The following KIAA0825 variants were observed in gnomAD, a reference collection of about 807,000 sequenced individuals.
The protein encoded by KIAA0825 is uncharacterized protein KIAA0825.
In KIAA0825, 119 loss-of-function variants were observed where a neutral mutation model predicts 147.6. The observed-to-expected ratio is 0.81, with a 90% CI of 0.69 to 0.94. KIAA0825 has a LOEUF of 0.94. Among genes scored for constraint, KIAA0825 ranks in the 40% least tolerant of loss-of-function variants. The probability of loss-of-function intolerance (pLI) is 0.00; values close to 1 mark genes in which losing one functional copy is unlikely to be tolerated. For missense variants in KIAA0825, 1,381 were observed against 1,472.7 expected (o/e 0.94, Z 1.02); for synonymous variants, 470 against 518.1 (o/e 0.91, Z 1.26).
At chr5:94,480,879 A>C (rs941357322) in intron 6 of KIAA0825, among the ~76,000 whole-genome samples, 3 of 152,094 alleles carry the variant, frequency 2.0e-5, no homozygotes, top group Non-Finnish European at 2.9e-5. Flanking sequence ...ACAGGGAAGC[A>C]AAAGTTATCA....
chr5:94,561,450 G>C (rs1777538173), intron 2 of KIAA0825, among the ~76,000 whole-genome samples: 1 of 152,186 alleles, frequency 6.6e-6, no homozygotes, highest in Non-Finnish European at 1.5e-5. Flanking sequence ...GCAGAAGTGT[G>C]GGTCATCTGG....
intron 5 of KIAA0825, among the ~76,000 whole-genome samples, chr5:94,517,303 A>G (rs2151194023): frequency 6.6e-6 from 1 of 152,272 alleles, no homozygotes; most frequent in East Asian, 1.9e-4. Flanking sequence ...ATTCTCATAT[A>G]TAAAGTATAA....
At chr5:94,457,481 C>T (rs1369918876) in intron 12 of KIAA0825, among the ~76,000 whole-genome samples, 4 of 152,206 alleles carry the variant, frequency 2.6e-5, no homozygotes, top group Admixed American at 2.6e-4. Flanking sequence ...GAAAAGAGTG[C>T]ATTTGGGAAA....
intron 20 of KIAA0825, among the ~76,000 whole-genome samples, chr5:94,154,919 T>C (rs1766893254): frequency 6.6e-6 from 1 of 152,166 alleles, no homozygotes; most frequent in Admixed American, 6.5e-5. Context: ...CCTTCTCCTA[T>C]CCTCACTCTT....
chr5:94,593,545 G>A, intron 1 of KIAA0825: 2 of 589,696 alleles, frequency 3.4e-6, no homozygotes, highest in Non-Finnish European at 3.2e-6. Context: ...TGTAGCATTG[G>A]GACCCATTGC....
chr5:94,153,444 C>G lies in KIAA0825; in HGVS notation c.*563G>C, dbSNP rs968102593. The G allele has an allele frequency of 1.3e-5, 2 of 151,950 alleles. No homozygotes were observed. The highest frequency in any genetic ancestry group is 2.4e-5 in the African/African-American group (1 of 41,340). The allele number at this position is 151,950 out of a possible 1,614,324, so 9.4% of individuals were successfully genotyped here. A position where few individuals can be genotyped will look rare whatever the true frequency, so the allele number is the denominator to read the frequency against. On this transcript the variant is annotated 3_prime_UTR_variant, in exon 21 of 21. Transcript: ENST00000682413. The stretch of plus-strand genomic sequence containing the variant: ...TCTGGTTTAGGAGGAAGACTGAAAA[C>G]CACTACAAGCAGAGGTGTGACTAAA...
intron 2 of KIAA0825, among the ~76,000 whole-genome samples, chr5:94,551,157 C>A (rs1775459824): frequency 1.3e-5 from 2 of 151,174 alleles, no homozygotes; most frequent in South Asian, 4.2e-4. Flanking sequence ...AACTTAAAGA[C>A]AGGCTTTTGA....
intron 2 of KIAA0825, chr5:94,570,698 C>T (rs78996464): frequency 1.3e-5 from 2 of 152,140 alleles, no homozygotes; most frequent in African/African-American, 4.8e-5. Flanking sequence ...TAGTATAAAC[C>T]AATACACCGG....
rs561791760 is a variant in KIAA0825, at chr5:94,530,957, T to C, written c.131+6039A>G. Among the ~76,000 whole-genome samples, 360 of 152,354 alleles carry C rather than the reference T, an allele frequency of 2.4e-3. 2 individuals are homozygous for C. The highest frequency in any genetic ancestry group is 4.2e-3 in the Non-Finnish European group (289 of 68,034). On this transcript the variant is annotated intron_variant, in intron 3 of 20. Coordinates refer to ENST00000682413, the MANE Select transcript of KIAA0825 (RefSeq NM_001145678.3). ...GTATCATACTATTCAACTTTTGTTATAACAATTTATAAACAGGGAGACACG... is the reference window on the plus strand; with the variant it reads ...GTATCATACTATTCAACTTTTGTTACAACAATTTATAAACAGGGAGACACG...
chr5:94,526,958 T>C (rs2151260260), intron 3 of KIAA0825, among the ~76,000 whole-genome samples: 1 of 152,100 alleles, frequency 6.6e-6, no homozygotes, highest in East Asian at 1.9e-4. Context: ...AGGTTTTTCC[T>C]TGTAGAAGAG....
intron 15 of KIAA0825, among the ~76,000 whole-genome samples, chr5:94,411,808 G>C (rs951328694): frequency 2.0e-5 from 3 of 152,038 alleles, no homozygotes; most frequent in Non-Finnish European, 4.4e-5. Flanking sequence ...TTATCCAGGC[G>C]TGGTGGCTCG....
intron 20 of KIAA0825, among the ~76,000 whole-genome samples, chr5:94,234,036 C>T (rs1300549878): frequency 6.6e-5 from 10 of 152,062 alleles, no homozygotes; most frequent in Admixed American, 1.3e-4. Context: ...TGTTGGTAAT[C>T]GGCGATATTC....
At chr5:94,520,028 T>C (rs1217260579) in intron 5 of KIAA0825, 5 of 1,132,108 alleles carry the variant, frequency 4.4e-6, no homozygotes, top group South Asian at 6.7e-5. Context: ...TTTTGGCTTA[T>C]ATTTCCAATA....
intron 12 of KIAA0825, among the ~76,000 whole-genome samples, chr5:94,457,595 T>A (rs1759276466): frequency 6.6e-6 from 1 of 151,990 alleles, no homozygotes. Flanking sequence ...CTGTCCTAGA[T>A]TCACTCTCTC....
intron 20 of KIAA0825, among the ~76,000 whole-genome samples, chr5:94,340,113 G>T (rs1389628384): frequency 6.6e-6 from 1 of 152,056 alleles, no homozygotes; most frequent in South Asian, 2.1e-4. Flanking sequence ...CTATACAGTT[G>T]TTTTTTGATA....
chr5:94,558,944 C>A (rs968125509), intron 2 of KIAA0825, among the ~76,000 whole-genome samples: 1 of 152,140 alleles, frequency 6.6e-6, no homozygotes, highest in African/African-American at 2.4e-5. Flanking sequence ...TAGATCATAG[C>A]CTTTTGTCAT....
chr5:94,303,456 T>G (rs1415658904), intron 20 of KIAA0825, among the ~76,000 whole-genome samples: 1 of 152,050 alleles, frequency 6.6e-6, no homozygotes, highest in Non-Finnish European at 1.5e-5. Flanking sequence ...AATTGCTAGC[T>G]CTAATATCAG....
chr5:94,365,097 A>C (rs1584264958), intron 20 of KIAA0825, among the ~76,000 whole-genome samples: 1 of 152,144 alleles, frequency 6.6e-6, no homozygotes, highest in South Asian at 2.1e-4. Context: ...TGCTCCAACC[A>C]GTCTGTGGCC....
At chr5:94,521,362 C>A (rs192320395) in intron 4 of KIAA0825, among the ~76,000 whole-genome samples, 2 of 151,762 alleles carry the variant, frequency 1.3e-5, no homozygotes, top group East Asian at 3.9e-4. Flanking sequence ...TATTATAAAA[C>A]CCCAAATGAA....
Sources: gnomAD v4.1 joint callset for allele counts (sites outside exome capture counted in the v4.1 genomes callset) on GRCh38, gnomAD v4.1.1 for gene constraint, MANE v1.5 for transcripts, NCBI Gene and HGNC (gene_info 2026-07-23, HGNC 2026-07-21) for gene names.